MAP2: variants seen among roughly 807,000 people sequenced by gnomAD.
The protein encoded by MAP2 is microtubule-associated protein 2.
In MAP2, 14 loss-of-function variants were observed where a neutral mutation model predicts 137.6. The ratio of observed to expected loss-of-function variants is 0.10; its 90% CI spans 0.07 to 0.16. MAP2 has a LOEUF of 0.16. Among genes scored for constraint, MAP2 ranks in the 10% least tolerant of loss-of-function variants. The pLI, the probability that MAP2 is intolerant of heterozygous loss-of-function variation, is 1.00. For missense variants in MAP2, 2,088 were observed against 2,191.5 expected (o/e 0.95, Z 0.94); for synonymous variants, 786 against 782.3 (o/e 1.00, Z -0.08).
chr2:209,622,025 G>A (rs950980399), intron 3 of MAP2, among the ~76,000 whole-genome samples: 1 of 152,106 alleles, frequency 6.6e-6, no homozygotes, highest in Admixed American at 6.6e-5. Context: ...CCTTGTGTAG[G>A]CTAACTCTTA....
intron 2 of MAP2, among the ~76,000 whole-genome samples, chr2:209,545,178 C>T (rs1450456921): frequency 1.3e-5 from 2 of 152,098 alleles, no homozygotes; most frequent in African/African-American, 2.4e-5. Flanking sequence ...TTATGCTCTA[C>T]CACTTACTGA....
At chr2:209,548,542 A>T (rs1223894657) in intron 2 of MAP2, among the ~76,000 whole-genome samples, 2 of 152,316 alleles carry the variant, frequency 1.3e-5, no homozygotes, top group South Asian at 2.1e-4. Flanking sequence ...AATGTCAGAA[A>T]AATATTAGCC....
rs556217575 is a variant in MAP2 at position 209,731,287 on chromosome 2, G to C, written c.*890G>C. 1.3e-5 allele frequency: 2 copies of C among 152,060 alleles called. No homozygotes were observed. The highest frequency in any genetic ancestry group is 2.4e-5 in the African/African-American group (1 of 41,276). The allele number at this position is 152,060 out of a possible 1,614,324, so 9.4% of individuals were successfully genotyped here. On this transcript the variant is annotated 3_prime_UTR_variant, in exon 16 of 16. Coordinates refer to ENST00000682079, the MANE Select transcript of MAP2 (RefSeq NM_001375505.1). ...TGCACCCTTTGGTGTTGCAATTTTAGATATGTGAAAGTAGATGTTAGCAGG... is the reference window on the plus strand; with the variant it reads ...TGCACCCTTTGGTGTTGCAATTTTACATATGTGAAAGTAGATGTTAGCAGG...
chr2:209,517,458 G>A (rs2062675534), intron 2 of MAP2, among the ~76,000 whole-genome samples: 1 of 152,084 alleles, frequency 6.6e-6, no homozygotes, highest in African/African-American at 2.4e-5. Context: ...CATAAAAAGT[G>A]TTTGAAACGT....
chr2:209,705,827 G>A, intron 12 of MAP2, 100 bp downstream of exon 12: 6 of 1,033,726 alleles, frequency 5.8e-6, no homozygotes, highest in Admixed American at 2.3e-5. Context: ...AATAAAACAT[G>A]CATTAAGACT....
rs887015194 is a variant in MAP2 at position 209,707,431 on chromosome 2, A to G, written c.4732+1704A>G. 4.6e-5 allele frequency among the ~76,000 whole-genome samples: 7 copies of G among 152,114 alleles called. No individual in the cohort carries two copies. The East Asian group carries it at 7.7e-4, about 17-fold the overall frequency. ...AAAAGCAAGCACTCTGCCCACTTCT[A>G]CTTGTGCACCATCCCCTTAATGGTA... On this transcript the variant is annotated intron_variant, in intron 12 of 15. Transcript: ENST00000682079.
chr2:209,558,485 G>A (rs1462944682), intron 2 of MAP2, among the ~76,000 whole-genome samples: 4 of 151,708 alleles, frequency 2.6e-5, no homozygotes, highest in East Asian at 1.9e-4. Context: ...CACCACGCCC[G>A]GCCACACATT....
Position 209,474,845 on chromosome 2 carries a change from G to A in MAP2, c.-221-32747G>A, listed in dbSNP as rs148594817. The stretch of plus-strand genomic sequence containing the variant: ...ACAATTTAAATCTATAAATAGGCAT[G>A]AGGAAAACATATATATTTTTCTCAA... On this transcript the variant is annotated intron_variant, in intron 1 of 15. Transcript: ENST00000682079. Among the ~76,000 whole-genome samples, 3 of 152,090 alleles carry A rather than the reference G, an allele frequency of 2.0e-5. No individual in the cohort carries two copies. The East Asian group carries it at 5.8e-4, about 29-fold the overall frequency.
intron 5 of MAP2, among the ~76,000 whole-genome samples, chr2:209,657,886 T>C (rs2041663535): frequency 6.6e-6 from 1 of 152,254 alleles, no homozygotes; most frequent in Non-Finnish European, 1.5e-5. Flanking sequence ...TTCTAGGATT[T>C]TTATAGCTTG....
At chr2:209,606,117 T>C (rs2153473743) in intron 3 of MAP2, among the ~76,000 whole-genome samples, 1 of 152,226 alleles carries the variant, frequency 6.6e-6, no homozygotes, top group South Asian at 2.1e-4. Context: ...TGTAAAATAA[T>C]CTTCCTCACT....
chr2:209,496,285 C>G (rs2059746292), intron 1 of MAP2, among the ~76,000 whole-genome samples: 1 of 152,154 alleles, frequency 6.6e-6, no homozygotes, highest in African/African-American at 2.4e-5. Flanking sequence ...AGCCCACAGT[C>G]TGGGCAGGCA....
At chr2:209,651,080 T>C (rs2094760658) in intron 4 of MAP2, among the ~76,000 whole-genome samples, 1 of 152,166 alleles carries the variant, frequency 6.6e-6, no homozygotes. Flanking sequence ...CCTCAATCCT[T>C]CACATATATG....
intron 2 of MAP2, among the ~76,000 whole-genome samples, chr2:209,512,481 A>G (rs2061854072): frequency 6.6e-6 from 1 of 151,610 alleles, no homozygotes. Flanking sequence ...TAAAACAGAA[A>G]ATAAAATGAA....
intron 3 of MAP2, among the ~76,000 whole-genome samples, chr2:209,605,526 G>A (rs557401236): frequency 2.0e-5 from 3 of 152,216 alleles, no homozygotes; most frequent in East Asian, 3.9e-4. Context: ...CTAAGACAAA[G>A]GAATGAATTG....
At chr2:209,466,229 A>C (rs1211329245) in intron 1 of MAP2, among the ~76,000 whole-genome samples, 2 of 152,208 alleles carry the variant, frequency 1.3e-5, no homozygotes, top group Non-Finnish European at 2.9e-5. Flanking sequence ...TCACCTAAGA[A>C]AATGGGATTT....
At chr2:209,432,733 T>A (rs972411201) in intron 1 of MAP2, among the ~76,000 whole-genome samples, 1 of 152,164 alleles carries the variant, frequency 6.6e-6, no homozygotes, top group Non-Finnish European at 1.5e-5. Context: ...AATTTCCATA[T>A]ACATTGATGA....
chr2:209,485,441 T>A (rs543396100), intron 1 of MAP2, among the ~76,000 whole-genome samples: 1 of 152,326 alleles, frequency 6.6e-6, no homozygotes, highest in Non-Finnish European at 1.5e-5. Context: ...GAAAACACTT[T>A]ATTGAATGAG....
chr2:209,585,173 A>G (rs2077396989), intron 3 of MAP2, among the ~76,000 whole-genome samples: 1 of 151,960 alleles, frequency 6.6e-6, no homozygotes, highest in African/African-American at 2.4e-5. Flanking sequence ...AAGGATAAGA[A>G]GAGGACCAGA....
chr2:209,515,302 A>G (rs760377095), intron 2 of MAP2, among the ~76,000 whole-genome samples: 5 of 152,126 alleles, frequency 3.3e-5, no homozygotes, highest in Non-Finnish European at 7.4e-5. Flanking sequence ...GTGATCACTT[A>G]GTACATTACT....
Sources: gnomAD v4.1 joint callset for allele counts (sites outside exome capture counted in the v4.1 genomes callset) on GRCh38, gnomAD v4.1.1 for gene constraint, MANE v1.5 for transcripts, NCBI Gene and HGNC (gene_info 2026-07-23, HGNC 2026-07-21) for gene names.